CEP76: variants seen among roughly 807,000 people sequenced by gnomAD.
CEP76 encodes centrosomal protein 76.
CEP76 carries 55 observed loss-of-function variants against 83.3 expected under a neutral mutation model. The ratio of observed to expected loss-of-function variants is 0.66; its 90% CI spans 0.53 to 0.83. The LOEUF (loss-of-function observed/expected upper bound fraction) is 0.83. Ranked by LOEUF, CEP76 falls within the 40% of genes least tolerant of loss-of-function variation. CEP76 has a pLI of 0.00. For synonymous variants in CEP76, 270 were observed against 274.5 expected, an observed-to-expected ratio of 0.98 and a Z score of 0.16; for missense variants, 694 against 799.5, an observed-to-expected ratio of 0.87 and a Z score of 1.59.
downstream of CEP76, among the ~76,000 whole-genome samples, chr18:12,668,600 A>AAAAAAC (rs2038856759): frequency 1.9e-5 from 1 of 52,610 alleles, no homozygotes; most frequent in Non-Finnish European, 5.1e-5. Flanking sequence ...TCCATCTCAA[A>AAAAAAC]AAAAAAAAAA....
intron 12 of CEP76, among the ~76,000 whole-genome samples, chr18:12,667,038 C>T (rs377753195): frequency 6.6e-6 from 1 of 151,556 alleles, no homozygotes; most frequent in Non-Finnish European, 1.5e-5. Context: ...AACAACCAAA[C>T]AAAAATAAGA....
intron 5 of CEP76, among the ~76,000 whole-genome samples, chr18:12,697,000 A>G (rs907229312): frequency 4.6e-5 from 7 of 152,116 alleles, no homozygotes; most frequent in Non-Finnish European, 5.9e-5. Context: ...AGAAAAAAAC[A>G]TTTCTCCTAA....
At chr18:12,699,322 G>A in intron 3 of CEP76, 119 bp from the exon 4 acceptor site, 1 of 671,532 alleles carries the variant, frequency 1.5e-6, no homozygotes, top group Non-Finnish European at 2.5e-6. Flanking sequence ...TAAAAAAAAA[G>A]CAAAAGAGTA....
At chr18:12,672,446 A>G (rs2038972714), downstream of CEP76, among the ~76,000 whole-genome samples, 2 of 152,292 alleles carry the variant, frequency 1.3e-5, no homozygotes, top group African/African-American at 4.8e-5. Context: ...GCTCAATTTT[A>G]AAACAAAAAT....
At chr18:12,690,230 T>A (rs894767170) in intron 7 of CEP76, among the ~76,000 whole-genome samples, 10 of 152,156 alleles carry the variant, frequency 6.6e-5, no homozygotes, top group African/African-American at 2.4e-4. Context: ...CTAGTCAACC[T>A]CTCATTCCCA....
intron 7 of CEP76, 79 bp downstream of exon 7, chr18:12,691,276 CAAAT>C: frequency 1.1e-6 from 1 of 872,832 alleles, no homozygotes; most frequent in Non-Finnish European, 1.7e-6. Context: ...ATACATTTTA[CAAAT>C]AAATATTAAA....
At chr18:12,685,704 T>G (rs918744996) in intron 8 of CEP76, 1 of 152,170 alleles carries the variant, frequency 6.6e-6, no homozygotes, top group African/African-American at 2.4e-5. Context: ...CGATCTCAGC[T>G]CACTGCAACC....
At chr18:12,675,124 C>CG (rs1292208664) in intron 10 of CEP76, among the ~76,000 whole-genome samples, 2 of 152,018 alleles carry the variant, frequency 1.3e-5, no homozygotes, top group South Asian at 2.1e-4. Context: ...AGGCCGGGTG[C>CG]GGTGGCTCAC....
At chr18:12,695,818 A>G (rs2145091848) in intron 5 of CEP76, among the ~76,000 whole-genome samples, 1 of 151,758 alleles carries the variant, frequency 6.6e-6, no homozygotes, top group South Asian at 2.1e-4. Flanking sequence ...ATTAAATTCA[A>G]AGTCAAAGCA....
chr18:12,693,334 G>A (rs147940007), intron 6 of CEP76, among the ~76,000 whole-genome samples: 1,693 of 152,068 alleles, frequency 0.011, 15 homozygotes, highest in Non-Finnish European at 0.015. Flanking sequence ...TGAGGCAGGT[G>A]GATTGCTTGA....
chr18:12,695,460 G>A, intron 5 of CEP76, 109 bp from the exon 6 acceptor site: 1 of 473,218 alleles, frequency 2.1e-6, no homozygotes, highest in South Asian at 4.5e-5. Flanking sequence ...TCACTTACAT[G>A]GAATAAAGAT....
chr18:12,662,192 A>G, intron 12 of CEP76: 2 of 277,128 alleles, frequency 7.2e-6, no homozygotes, highest in Admixed American at 4.4e-5. Context: ...ACCAGAAAGG[A>G]AAAAAAAAAA....
Position 12,680,793 on chromosome 18 carries a change from G to C in CEP76, c.1158C>G (p.Ser386Arg). The C allele has an allele frequency of 6.2e-7, 1 of 1,613,334 alleles. No individual in the cohort carries two copies. Among genetic ancestry groups the C allele is most frequent in the Non-Finnish European group, 8.5e-7 (1 of 1,179,756 alleles). The change falls in exon 9 of 12, where the codon AGC (serine) becomes AGG (arginine). Residue 386 changes from serine (S) to arginine (R), a missense_variant. Ser to Arg is a moderately radical substitution (Grantham distance 110). Coordinates refer to ENST00000262127, the MANE Select transcript of CEP76 (RefSeq NM_024899.4). ...DCEDHANLLC[S>R]LLLGYGLEAF... ...CTTCTAATCCATATCCAAGAAGAAG[G>C]CTGCACAGAAGGTTAGCGTGATCTT...
downstream of CEP76, among the ~76,000 whole-genome samples, chr18:12,668,354 A>T (rs966173035): frequency 6.6e-6 from 1 of 151,784 alleles, no homozygotes; most frequent in African/African-American, 2.4e-5. Context: ...CACTTTGGGA[A>T]CCCGAGGTGG....
chr18:12,662,973 A>G (rs2038728211), intron 12 of CEP76, among the ~76,000 whole-genome samples: 1 of 152,152 alleles, frequency 6.6e-6, no homozygotes, highest in Admixed American at 6.6e-5. Context: ...TTCTGATCTG[A>G]ATATAAGTGT....
chr18:12,688,924 C>G (rs777736299), intron 7 of CEP76, among the ~76,000 whole-genome samples: 9 of 152,052 alleles, frequency 5.9e-5, no homozygotes, highest in Non-Finnish European at 1.2e-4. Context: ...ACCATCCTGG[C>G]TAACACAGTG....
chr18:12,691,148 C>T, intron 7 of CEP76: 2 of 397,246 alleles, frequency 5.0e-6, no homozygotes, highest in Non-Finnish European at 4.4e-6. Context: ...CAAAAACCCA[C>T]AATAACTGAA....
At chr18:12,694,675 C>T (rs1364122620) in intron 6 of CEP76, among the ~76,000 whole-genome samples, 3 of 151,952 alleles carry the variant, frequency 2.0e-5, no homozygotes, top group Non-Finnish European at 4.4e-5. Context: ...TTGCACTTTA[C>T]TCTTTGATCT....
rs753583590 is a variant in CEP76 at position 12,674,585 on chromosome 18, T to C, written c.1792A>G (p.Ile598Val). ...PDGHTFKGFP[I>V]HFVYRNARRA... ...CTTGCATTTCTATACACAAAATGTA[T>C]TGGGAACCCTTTAAATGTGTGACCA... Residue 598 changes from isoleucine (I) to valine (V), a missense_variant, in exon 11 of 12, where the codon ATA (isoleucine) becomes GTA (valine). Coordinates refer to ENST00000262127, the MANE Select transcript of CEP76 (RefSeq NM_024899.4). 13 of 1,614,000 alleles carry C rather than the reference T, an allele frequency of 8.1e-6. No homozygotes were observed. The highest frequency in any genetic ancestry group is 4.0e-5 in the African/African-American group (3 of 74,912).
Sources: gnomAD v4.1 joint callset for allele counts (sites outside exome capture counted in the v4.1 genomes callset) on GRCh38, gnomAD v4.1.1 for gene constraint, MANE v1.5 for transcripts, NCBI Gene and HGNC (gene_info 2026-07-23, HGNC 2026-07-21) for gene names.